CCDC149: variants seen among roughly 807,000 people sequenced by gnomAD.
CCDC149 encodes coiled-coil domain containing 149.
Under a neutral mutation model 59.9 loss-of-function variants are expected in CCDC149, and 45 were observed. The ratio of observed to expected loss-of-function variants is 0.75; its 90% CI spans 0.59 to 0.96. CCDC149 has a LOEUF of 0.96. Among genes scored for constraint, CCDC149 ranks in the 40% least tolerant of loss-of-function variants. The pLI is 0.00. For synonymous variants in CCDC149, 245 were observed against 260.6 expected (o/e 0.94, Z 0.58); for missense variants, 584 against 664.7 (o/e 0.88, Z 1.33).
chr4:24,841,872 T>C (rs1286163094), intron 4 of CCDC149, among the ~76,000 whole-genome samples: 1 of 152,196 alleles, frequency 6.6e-6, no homozygotes, highest in East Asian at 1.9e-4. Flanking sequence ...AATAGTCATA[T>C]ATATGAGTCT....
chr4:24,858,007 G>A (rs1302761114), intron 3 of CCDC149, among the ~76,000 whole-genome samples: 2 of 152,028 alleles, frequency 1.3e-5, no homozygotes, highest in African/African-American at 4.8e-5. Context: ...CTAATTCCTT[G>A]ACATACACCT....
intron 1 of CCDC149, among the ~76,000 whole-genome samples, chr4:24,953,317 T>A (rs747073489): frequency 6.6e-6 from 1 of 152,200 alleles, no homozygotes; most frequent in Non-Finnish European, 1.5e-5. Context: ...AACATGTGCA[T>A]TGTTACAAGT....
chr4:24,846,859 A>G lies in CCDC149; in HGVS notation c.372+6213T>C, dbSNP rs573643312. Among the ~76,000 whole-genome samples the G allele has an allele frequency of 2.0e-5, 3 of 152,366 alleles. No individual in the cohort carries two copies. In the South Asian group the frequency reaches 6.2e-4, roughly 32 times the overall value. On this transcript the variant is annotated intron_variant, in intron 4 of 12. Coordinates refer to ENST00000635206, the MANE Select transcript of CCDC149 (RefSeq NM_001330643.2). ...CGCAAACTTCCTTGCTTTTGAATAC[A>G]TCGCACTGTATTATTGGTCCTCTGC...
intron 1 of CCDC149, among the ~76,000 whole-genome samples, chr4:24,942,218 C>T (rs1318047544): frequency 6.6e-6 from 1 of 152,112 alleles, no homozygotes; most frequent in Non-Finnish European, 1.5e-5. Context: ...GGGCTTCATC[C>T]CTGGGATGCA....
At chr4:24,894,221 TA>T (rs532295574) in intron 1 of CCDC149, among the ~76,000 whole-genome samples, 71 of 152,268 alleles carry the variant, frequency 4.7e-4, no homozygotes, top group African/African-American at 1.5e-3. Context: ...AAAATTACAT[TA>T]AAAAATCTTC....
intron 1 of CCDC149, among the ~76,000 whole-genome samples, chr4:24,931,829 G>GTATATATATGTGTATATATATATATATA (rs60585956): frequency 5.2e-5 from 4 of 76,932 alleles, no homozygotes; most frequent in East Asian, 8.7e-4. Flanking sequence ...TGGAGAGTAT[G>GTATATATATGTGTATATATATATATATA]TATATATATA....
At position 24,905,406 on chromosome 4, in the gene CCDC149, CGTGCGTGCGT is replaced by C. The variant is rs1393986315; in HGVS notation, c.63+7401_63+7410del. Among the ~76,000 whole-genome samples the C allele has an allele frequency of 2.0e-3, 216 of 110,352 alleles. 2 individuals are homozygous for C. The highest frequency in any genetic ancestry group is 9.7e-3 in the Middle Eastern group (2 of 206). 72.4% of individuals were successfully genotyped at this position (110,352 alleles called of 152,430 possible). A position where few individuals can be genotyped will look rare whatever the true frequency, so the allele number is the denominator to read the frequency against. On this transcript the variant is annotated intron_variant, in intron 1 of 12. Transcript: ENST00000635206. ...TCCTATATAGTCTTCTTTCTTTTTG[CGTGCGTGCGT>C]GTGTGTGTGTGTGTGTGTGTGTGTG...
At chr4:24,872,900 CCCACTGAACAGTATGTAA>C (rs1719133183) in intron 3 of CCDC149, among the ~76,000 whole-genome samples, 1 of 151,404 alleles carries the variant, frequency 6.6e-6, no homozygotes, top group Admixed American at 6.6e-5. Flanking sequence ...ATGGTATGCA[CCCACTGAACAGTATGTAA>C]CCACTGAACA....
intron 10 of CCDC149, among the ~76,000 whole-genome samples, 189 bp downstream of exon 10, chr4:24,822,308 C>T (rs1715457586): frequency 6.6e-6 from 1 of 152,026 alleles, no homozygotes; most frequent in Non-Finnish European, 1.5e-5. Context: ...TCTGATTCTA[C>T]CCCCACCCTG....
In CCDC149 at chr4:24,853,154, T is replaced by C. The variant is rs1158875731; in HGVS notation, c.290A>G (p.Asp97Gly). 5 of 1,612,690 alleles carry C rather than the reference T, an allele frequency of 3.1e-6. No individual in the cohort carries two copies. The highest frequency in any genetic ancestry group is 8.5e-7 in the Non-Finnish European group (1 of 1,178,892). The change falls in exon 4 of 13, where the codon GAT becomes GGT. Residue 97 changes from aspartate to glycine, a missense_variant. Transcript: ENST00000635206. ...CAGATGTTTATTTCGGTCCTGAGAATCTCTCAATAGTTGTGCAAGATTAGC... is the reference window on the plus strand; with the variant it reads ...CAGATGTTTATTTCGGTCCTGAGAACCTCTCAATAGTTGTGCAAGATTAGC...
intron 1 of CCDC149, among the ~76,000 whole-genome samples, chr4:24,896,793 T>A (rs916481721): frequency 6.6e-6 from 1 of 152,032 alleles, no homozygotes; most frequent in African/African-American, 2.4e-5. Flanking sequence ...GTCATGTCTG[T>A]GGGATAAAAA....
intron 3 of CCDC149, among the ~76,000 whole-genome samples, chr4:24,860,331 C>T (rs1718297929): frequency 6.6e-6 from 1 of 152,110 alleles, no homozygotes; most frequent in Non-Finnish European, 1.5e-5. Flanking sequence ...AAAACAAAAA[C>T]ATAAGGTACG....
chr4:24,831,403 C>T, intron 9 of CCDC149, 103 bp downstream of exon 9: 4 of 1,190,848 alleles, frequency 3.4e-6, no homozygotes, highest in East Asian at 2.4e-5. Flanking sequence ...GGGGTCTCAC[C>T]TTCCCTGCAG....
rs1425872226 is a variant in CCDC149, at chr4:24,807,883, T to C, written c.*506A>G. 6.6e-6 allele frequency: 1 copy of C among 152,396 alleles called. No homozygotes were observed. The highest frequency in any genetic ancestry group is 1.5e-5 in the Non-Finnish European group (1 of 68,196). The allele number at this position is 152,396 out of a possible 1,614,324, so 9.4% of individuals were successfully genotyped here. A position where few individuals can be genotyped will look rare whatever the true frequency, so the allele number is the denominator to read the frequency against. ...GCACACCCATGCCAGGCAGTCCTCC[T>C]GGGCCCTGACTTGATGGGGTGCAGC... On this transcript the variant is annotated 3_prime_UTR_variant, in exon 13 of 13. Coordinates refer to ENST00000635206, the MANE Select transcript of CCDC149 (RefSeq NM_001330643.2).
intron 2 of CCDC149, among the ~76,000 whole-genome samples, chr4:24,875,683 A>G (rs1462029083): frequency 5.3e-5 from 8 of 152,134 alleles, no homozygotes; most frequent in Non-Finnish European, 1.2e-4. Context: ...ACACTGTCCA[A>G]TACAGTAGCC....
At chr4:24,860,859 CT>C (rs1449014219) in intron 3 of CCDC149, among the ~76,000 whole-genome samples, 2 of 152,122 alleles carry the variant, frequency 1.3e-5, no homozygotes, top group African/African-American at 4.8e-5. Flanking sequence ...CTCAACATCA[CT>C]AATTATCAGG....
chr4:24,912,829 C>T lies in CCDC149; in HGVS notation c.51G>A (p.Gly17=). 6.6e-6 allele frequency: 9 copies of T among 1,372,002 alleles called. No homozygotes were observed. The highest frequency in any genetic ancestry group is 3.7e-5 in the East Asian group (1 of 27,050). 85.0% of individuals were successfully genotyped at this position (1,372,002 alleles called of 1,614,324 possible). A position where few individuals can be genotyped will look rare whatever the true frequency, so the allele number is the denominator to read the frequency against. The change falls in exon 1 of 13, where the codon GGG becomes GGA. Residue 17 remains glycine (G), a synonymous_variant. Transcript: ENST00000635206. ...GCCGCGGCCTCACCTCGCTCACCAGCCCCTGCCAGTCGCTCTCAGTCCGGT... is the reference window on the plus strand; with the variant it reads ...GCCGCGGCCTCACCTCGCTCACCAGTCCCTGCCAGTCGCTCTCAGTCCGGT...
chr4:24,813,476 G>T (rs1714761710), intron 12 of CCDC149, among the ~76,000 whole-genome samples: 1 of 119,454 alleles, frequency 8.4e-6, no homozygotes, highest in East Asian at 2.3e-4. Flanking sequence ...TATCCCCAAG[G>T]TTCAGCTTGG....
At chr4:24,874,244 G>GTGTTTTTTT (rs1719240939) in intron 2 of CCDC149, among the ~76,000 whole-genome samples, 3 of 87,488 alleles carry the variant, frequency 3.4e-5, no homozygotes, top group African/African-American at 1.7e-4. Flanking sequence ...TATTAGATTT[G>GTGTTTTTTT]TTTTTTTTTT....
Sources: allele counts gnomAD v4.1 joint callset (sites outside exome capture counted in the v4.1 genomes callset), GRCh38; gene constraint gnomAD v4.1.1; transcripts MANE v1.5; gene names NCBI Gene and HGNC (gene_info 2026-07-23, HGNC 2026-07-21).